Variants in SLC4A10 observed in about 807,000 individuals in gnomAD.
SLC4A10 encodes the protein solute carrier family 4 member 10.
Under a neutral mutation model 137.7 loss-of-function variants are expected in SLC4A10, and 42 were observed. That is an observed-to-expected ratio of 0.30 (90% CI 0.24 to 0.39). The LOEUF is 0.39. Ranked by LOEUF, SLC4A10 falls within the 10% of genes least tolerant of loss-of-function variation. The pLI, the probability that SLC4A10 is intolerant of heterozygous loss-of-function variation, is 1.00. For missense variants in SLC4A10, 925 were observed against 1,355.0 expected, an observed-to-expected ratio of 0.68 and a Z score of 4.98; for synonymous variants, 474 against 464.1, an observed-to-expected ratio of 1.02 and a Z score of -0.27.
chr2:161,654,657 G>A (rs1315372119), intron 1 of SLC4A10, among the ~76,000 whole-genome samples: 6 of 152,056 alleles, frequency 3.9e-5, no homozygotes, highest in Non-Finnish European at 7.4e-5. Context: ...GTGTATTCTT[G>A]GCACCCTTGT....
intron 1 of SLC4A10, among the ~76,000 whole-genome samples, chr2:161,644,068 C>CTTTTTTTTTTTTTTTTTTTTTTTT (rs5835873): frequency 1.4e-5 from 2 of 143,732 alleles, no homozygotes; most frequent in Non-Finnish European, 3.0e-5. Flanking sequence ...GGCTTCTAAT[C>CTTTTTTTTTTTTTTTTTTTTTTTT]TTTTTTTTTT....
At chr2:161,745,018 CA>C (rs1222239133) in intron 1 of SLC4A10, among the ~76,000 whole-genome samples, 1 of 152,034 alleles carries the variant, frequency 6.6e-6, no homozygotes, top group Non-Finnish European at 1.5e-5. Context: ...TTTTGCATGA[CA>C]AGTCTTGTGT....
At chr2:161,833,204 GA>G (rs1452717470) in intron 3 of SLC4A10, among the ~76,000 whole-genome samples, 2 of 152,226 alleles carry the variant, frequency 1.3e-5, no homozygotes, top group Non-Finnish European at 2.9e-5. Context: ...GGTAATAGAA[GA>G]ATGGCCAAAA....
intron 3 of SLC4A10, 114 bp from the exon 4 acceptor site, chr2:161,839,675 G>C (rs1175825558): frequency 1.6e-5 from 18 of 1,159,990 alleles, no homozygotes; most frequent in Non-Finnish European, 2.2e-5. Context: ...CAGGGGAGGT[G>C]TGAGCTTGGG....
intron 23 of SLC4A10, among the ~76,000 whole-genome samples, chr2:161,966,029 A>G (rs1352466513): frequency 6.6e-6 from 1 of 152,206 alleles, no homozygotes; most frequent in Non-Finnish European, 1.5e-5. Context: ...ATAAGTAGTC[A>G]GTAAATGTAT....
At chr2:161,883,207 AG>A (rs1305150889) in intron 10 of SLC4A10, among the ~76,000 whole-genome samples, 1 of 152,202 alleles carries the variant, frequency 6.6e-6, no homozygotes, top group Admixed American at 6.6e-5. Flanking sequence ...ATCAAAATTC[AG>A]TTGTAAATGA....
chr2:161,682,166 T>A (rs1019377411), intron 1 of SLC4A10, among the ~76,000 whole-genome samples: 3 of 152,112 alleles, frequency 2.0e-5, no homozygotes, highest in African/African-American at 7.2e-5. Context: ...CCATGTCGAG[T>A]ATGTTTAGGA....
At chr2:161,979,092 G>A (rs1292569040) in intron 26 of SLC4A10, among the ~76,000 whole-genome samples, 1 of 152,144 alleles carries the variant, frequency 6.6e-6, no homozygotes, top group Non-Finnish European at 1.5e-5. Context: ...AGGTTTATGA[G>A]CTCAAAATAA....
chr2:161,741,119 G>A (rs1046623832), intron 1 of SLC4A10, among the ~76,000 whole-genome samples: 1 of 151,968 alleles, frequency 6.6e-6, no homozygotes, highest in Non-Finnish European at 1.5e-5. Flanking sequence ...CAAAAAATTA[G>A]CAAAGTGTTG....
At chr2:161,902,736 G>A (rs1683399868) in intron 12 of SLC4A10, among the ~76,000 whole-genome samples, 1 of 152,092 alleles carries the variant, frequency 6.6e-6, no homozygotes, top group Non-Finnish European at 1.5e-5. Flanking sequence ...TCAGATCAGG[G>A]AAATTACTTG....
chr2:161,736,705 G>A (rs538327312), intron 1 of SLC4A10, among the ~76,000 whole-genome samples: 1 of 152,106 alleles, frequency 6.6e-6, no homozygotes, highest in South Asian at 2.1e-4. Flanking sequence ...TGACACATGG[G>A]GATCATGGGA....
chr2:161,719,347 A>G (rs1162990197), intron 1 of SLC4A10, among the ~76,000 whole-genome samples: 1 of 152,216 alleles, frequency 6.6e-6, no homozygotes, highest in East Asian at 1.9e-4. Context: ...TATTGTGAAT[A>G]GAGCCACAAT....
At chr2:161,874,381 T>C (rs1228844781) in intron 8 of SLC4A10, among the ~76,000 whole-genome samples, 1 of 152,226 alleles carries the variant, frequency 6.6e-6, no homozygotes, top group Non-Finnish European at 1.5e-5. Flanking sequence ...ATATAACCTT[T>C]ATACACTGAT....
At chr2:161,835,098 C>A (rs151079018) in intron 3 of SLC4A10, among the ~76,000 whole-genome samples, 1 of 150,048 alleles carries the variant, frequency 6.7e-6, no homozygotes, top group Admixed American at 6.7e-5. Flanking sequence ...AGAGCAATAG[C>A]GCAATCTTGG....
chr2:161,761,861 C>T (rs2050285497), intron 1 of SLC4A10, among the ~76,000 whole-genome samples: 1 of 152,100 alleles, frequency 6.6e-6, no homozygotes, highest in Admixed American at 6.6e-5. Flanking sequence ...ACAGACCAGA[C>T]CCTCCCTGAC....
At chr2:161,921,624 A>C (rs1192586470) in intron 15 of SLC4A10, among the ~76,000 whole-genome samples, 1 of 152,266 alleles carries the variant, frequency 6.6e-6, no homozygotes, top group Non-Finnish European at 1.5e-5. Context: ...GCTATTATGA[A>C]AACTTTGCCT....
At chr2:161,942,641 T>G in intron 15 of SLC4A10, 151 bp from the exon 16 acceptor site, 1 of 583,102 alleles carries the variant, frequency 1.7e-6, no homozygotes, top group Non-Finnish European at 3.1e-6. Context: ...TTGAAAATAG[T>G]CTGTTGTGGA....
rs77992933 is a variant in SLC4A10, at chr2:161,970,921, G to A, written c.3160-3328G>A. ...CAGACTTTTGGCTCCAGCCAAGCTC[G>A]TTGTTCACTGTCATGCAAACACATC... On this transcript the variant is annotated intron_variant, in intron 23 of 26. Coordinates refer to ENST00000446997, the MANE Select transcript of SLC4A10 (RefSeq NM_001178015.2). 1.4e-4 allele frequency among the ~76,000 whole-genome samples: 21 copies of A among 152,298 alleles called. No homozygotes were observed. In the East Asian group the frequency reaches 3.5e-3, roughly 25 times the overall value.
chr2:161,692,598 A>T (rs916899688), intron 1 of SLC4A10, among the ~76,000 whole-genome samples: 1 of 152,062 alleles, frequency 6.6e-6, no homozygotes, highest in African/African-American at 2.4e-5. Flanking sequence ...AACGTTGCTA[A>T]TGAAAGACTC....
Sources: allele counts gnomAD v4.1 joint callset (sites outside exome capture counted in the v4.1 genomes callset), GRCh38; gene constraint gnomAD v4.1.1; transcripts MANE v1.5; gene names NCBI Gene and HGNC (gene_info 2026-07-23, HGNC 2026-07-21).